The following ADAMTS12 variants were observed in gnomAD, a reference collection of about 807,000 sequenced individuals.
ADAMTS12 encodes the protein A disintegrin and metalloproteinase with thrombospondin motifs 12.
ADAMTS12 carries 118 observed loss-of-function variants against 167.8 expected under a neutral mutation model. That is an observed-to-expected ratio of 0.70 (90% CI 0.61 to 0.82). The LOEUF is 0.82. ADAMTS12 is among the 40% of genes least tolerant of loss of function. The pLI, the probability that ADAMTS12 is intolerant of heterozygous loss-of-function variation, is 0.00. For missense variants in ADAMTS12, 1,916 were observed against 1,998.8 expected, an observed-to-expected ratio of 0.96 and a Z score of 0.79; for synonymous variants, 704 against 716.9, an observed-to-expected ratio of 0.98 and a Z score of 0.29.
intron 16 of ADAMTS12, among the ~76,000 whole-genome samples, chr5:33,606,826 CT>C (rs922752475): frequency 6.6e-6 from 1 of 152,178 alleles, no homozygotes; most frequent in Non-Finnish European, 1.5e-5. Flanking sequence ...AAAGATAGAT[CT>C]CATTCATGAA....
intron 2 of ADAMTS12, among the ~76,000 whole-genome samples, chr5:33,855,391 A>C (rs535056419): frequency 6.6e-6 from 1 of 152,374 alleles, no homozygotes; most frequent in East Asian, 1.9e-4. Flanking sequence ...AAATTATTAT[A>C]ACAGCATATC....
intron 3 of ADAMTS12, among the ~76,000 whole-genome samples, chr5:33,749,463 T>C (rs6891022): frequency 0.67 from 102,461 of 151,896 alleles, 35,476 homozygotes; most frequent in Non-Finnish European, 0.75. Context: ...GTTCTTCTAG[T>C]AGAGCTGTTC....
chr5:33,674,850 A>G (rs1321610359), intron 5 of ADAMTS12, among the ~76,000 whole-genome samples: 1 of 152,146 alleles, frequency 6.6e-6, no homozygotes, highest in Non-Finnish European at 1.5e-5. Flanking sequence ...TATGGCTTGA[A>G]TCTCCCCTCA....
chr5:33,584,755 G>A (rs1261189593), intron 18 of ADAMTS12, among the ~76,000 whole-genome samples: 1 of 152,148 alleles, frequency 6.6e-6, no homozygotes, highest in Non-Finnish European at 1.5e-5. Context: ...GATTGCCAGG[G>A]CTGGAAAACC....
chr5:33,844,233 A>G (rs1748857710), intron 2 of ADAMTS12, among the ~76,000 whole-genome samples: 1 of 152,206 alleles, frequency 6.6e-6, no homozygotes, highest in Non-Finnish European at 1.5e-5. Context: ...AAATCTGGGC[A>G]CCTTGAAAAA....
chr5:33,872,086 A>G (rs1456376413), intron 2 of ADAMTS12, among the ~76,000 whole-genome samples: 2 of 152,166 alleles, frequency 1.3e-5, no homozygotes, highest in African/African-American at 2.4e-5. Flanking sequence ...CAAAAGAAAA[A>G]TCATCAGGCC....
intron 22 of ADAMTS12, 89 bp from the exon 23 acceptor site, chr5:33,535,081 A>G (rs1376981770): frequency 1.0e-5 from 14 of 1,350,550 alleles, no homozygotes; most frequent in Non-Finnish European, 1.4e-5. Context: ...CACTGTGGTC[A>G]AGAATGGAAA....
chr5:33,844,204 T>C (rs1353089509), intron 2 of ADAMTS12, among the ~76,000 whole-genome samples: 6 of 152,158 alleles, frequency 3.9e-5, no homozygotes, highest in Non-Finnish European at 8.8e-5. Context: ...TTGCAGAGCA[T>C]GTGTGTTTGA....
chr5:33,801,567 G>T (rs1392759898), intron 2 of ADAMTS12, among the ~76,000 whole-genome samples: 3 of 152,196 alleles, frequency 2.0e-5, no homozygotes, highest in African/African-American at 4.8e-5. Flanking sequence ...TTATTAGGCA[G>T]ATCTCTTTTC....
chr5:33,788,315 C>T (rs1265542745), intron 2 of ADAMTS12, among the ~76,000 whole-genome samples: 1 of 151,770 alleles, frequency 6.6e-6, no homozygotes, highest in East Asian at 1.9e-4. Flanking sequence ...AATAAATACG[C>T]AGAAGTTCAA....
At chr5:33,735,874 T>C (rs1311068447) in intron 3 of ADAMTS12, among the ~76,000 whole-genome samples, 1 of 152,146 alleles carries the variant, frequency 6.6e-6, no homozygotes, top group Non-Finnish European at 1.5e-5. Context: ...AAATGTTCCA[T>C]GTTGATTGAT....
chr5:33,533,112 A>G lies in ADAMTS12; in HGVS notation c.4606+1721T>C, dbSNP rs115917559. 2.6e-3 allele frequency among the ~76,000 whole-genome samples: 400 copies of G among 152,320 alleles called. 1 individual carries two copies. Among genetic ancestry groups the G allele is most frequent in the Middle Eastern group, 0.017 (5 of 294 alleles). ...TTCGTCGCCATTTATTCTGTGTGAG[A>G]TTTCAAAATGAAAACTACCATCTAT... On this transcript the variant is annotated intron_variant, in intron 23 of 23. Transcript: ENST00000504830.
intron 2 of ADAMTS12, among the ~76,000 whole-genome samples, chr5:33,800,390 C>G (rs895639710): frequency 6.6e-5 from 10 of 152,140 alleles, no homozygotes; most frequent in Non-Finnish European, 1.2e-4. Flanking sequence ...GAGGGGAACA[C>G]TCAGAAAAGG....
rs564055895 is a variant in ADAMTS12, at chr5:33,708,944, CTAAAAAA to C, written c.635-24896_635-24890del. ...CATGTATCCCAGAACTTAAAGTATA[CTAAAAAA>C]TAAAAAATAAAAAAACAAATAAAAA... On this transcript the variant is annotated intron_variant, in intron 3 of 23. Transcript: ENST00000504830. 2.0e-5 allele frequency among the ~76,000 whole-genome samples: 3 copies of C among 150,784 alleles called. No homozygotes were observed. In the South Asian group the frequency reaches 6.3e-4, roughly 32 times the overall value.
chr5:33,615,948 C>A lies in ADAMTS12; in HGVS notation c.2268G>T (p.Gly756=), dbSNP rs770249503. Residue 756 remains glycine (G), a synonymous_variant, in exon 15 of 24, where the codon GGG becomes GGT. Coordinates refer to ENST00000504830, the MANE Select transcript of ADAMTS12 (RefSeq NM_030955.4). The part of the protein sequence containing the change: ...EDPEKYYLNG[G]FIIQWNGNYK... ...AGTTCCCGTTCCACTGGATAATAAA[C>A]CCTCCATTCAGGTAATATTTTTCAG... 2 of 1,614,120 alleles carry A rather than the reference C, an allele frequency of 1.2e-6. No individual in the cohort carries two copies. Among genetic ancestry groups the A allele is most frequent in the African/African-American group, 2.7e-5 (2 of 75,014 alleles).
intron 2 of ADAMTS12, among the ~76,000 whole-genome samples, chr5:33,789,856 CA>C (rs1233325318): frequency 6.6e-6 from 1 of 152,092 alleles, no homozygotes; most frequent in East Asian, 1.9e-4. Flanking sequence ...TCTAAATGGA[CA>C]GTTCAAGCCT....
At chr5:33,569,912 G>A (rs1746225747) in intron 19 of ADAMTS12, among the ~76,000 whole-genome samples, 1 of 152,246 alleles carries the variant, frequency 6.6e-6, no homozygotes, top group Non-Finnish European at 1.5e-5. Flanking sequence ...GGAGCTGATG[G>A]AGCTGAAAGC....
chr5:33,733,807 A>G (rs1305791848), intron 3 of ADAMTS12, among the ~76,000 whole-genome samples: 2 of 152,144 alleles, frequency 1.3e-5, no homozygotes, highest in Non-Finnish European at 2.9e-5. Context: ...AGCTCTGATA[A>G]CAGAGATCAG....
At chr5:33,832,999 G>A (rs556379892) in intron 2 of ADAMTS12, among the ~76,000 whole-genome samples, 100 of 152,284 alleles carry the variant, frequency 6.6e-4, no homozygotes, top group African/African-American at 2.3e-3. Flanking sequence ...TTCCAGGGAA[G>A]CTTTTGTTTC....
Sources: allele counts gnomAD v4.1 joint callset (sites outside exome capture counted in the v4.1 genomes callset), GRCh38; gene constraint gnomAD v4.1.1; transcripts MANE v1.5; gene names NCBI Gene and HGNC (gene_info 2026-07-23, HGNC 2026-07-21).